Variants in KIF9 observed in about 807,000 individuals in gnomAD.
KIF9 encodes kinesin-like protein KIF9.
KIF9 carries 68 observed loss-of-function variants against 94.8 expected under a neutral mutation model. That is an observed-to-expected ratio of 0.72 (90% CI 0.59 to 0.88). The LOEUF (loss-of-function observed/expected upper bound fraction) is 0.88, where lower values mean the gene tolerates loss of function less well. Ranked by LOEUF, KIF9 falls within the 40% of genes least tolerant of loss-of-function variation. KIF9 has a pLI of 0.00. For missense variants in KIF9, 882 were observed against 982.5 expected (o/e 0.90, Z 1.37); for synonymous variants, 343 against 362.1 (o/e 0.95, Z 0.60).
intron 1 of KIF9, among the ~76,000 whole-genome samples, chr3:47,280,240 A>C (rs1702244652): frequency 6.6e-6 from 1 of 152,170 alleles, no homozygotes; most frequent in African/African-American, 2.4e-5. Flanking sequence ...AAGCTTGGGG[A>C]ACCGGGGAAC....
At chr3:47,279,297 A>C (rs1702172873) in intron 1 of KIF9, among the ~76,000 whole-genome samples, 1 of 151,406 alleles carries the variant, frequency 6.6e-6, no homozygotes, top group Non-Finnish European at 1.5e-5. Context: ...ACATGACGAA[A>C]CCCTGTTTCC....
chr3:47,237,404 C>T (rs1699112996), intron 17 of KIF9, among the ~76,000 whole-genome samples: 1 of 152,136 alleles, frequency 6.6e-6, no homozygotes, highest in Non-Finnish European at 1.5e-5. Context: ...CACCAGCTAC[C>T]TTCTTGTTAG....
intron 5 of KIF9, among the ~76,000 whole-genome samples, chr3:47,268,925 T>C (rs1701459769): frequency 6.6e-6 from 1 of 152,114 alleles, no homozygotes; most frequent in Admixed American, 6.5e-5. Context: ...AAGTACCCTC[T>C]TGCCTTGTCT....
chr3:47,273,507 G>A lies in KIF9; in HGVS notation c.366+45C>T, dbSNP rs377044449. 2.1e-6 allele frequency: 3 copies of A among 1,450,768 alleles called. No individual in the cohort carries two copies. In the African/African-American group the frequency reaches 4.2e-5, roughly 20 times the overall value. 89.9% of individuals were successfully genotyped at this position (1,450,768 alleles called of 1,614,324 possible). A position where few individuals can be genotyped will look rare whatever the true frequency, so the allele number is the denominator to read the frequency against. ...CAGGGTCAGTAACATCTATGGCAGA[G>A]AGAGGGAACCTGTGTGGCATCCCAC... On this transcript the variant is annotated intron_variant, in intron 4 of 20. Transcript: ENST00000684063.
intron 15 of KIF9, 90 bp downstream of exon 15, chr3:47,244,701 C>A: frequency 6.7e-7 from 1 of 1,493,872 alleles, no homozygotes; most frequent in African/African-American, 1.4e-5. Context: ...AGCTGAGACA[C>A]CAGGGGGAAA....
chr3:47,259,363 GC>G (rs1431685301), intron 9 of KIF9, among the ~76,000 whole-genome samples: 1 of 152,144 alleles, frequency 6.6e-6, no homozygotes, highest in Non-Finnish European at 1.5e-5. Flanking sequence ...AAGCCACAAG[GC>G]CATGTCAGGA....
In KIF9 at chr3:47,277,293, C is replaced by T. The variant is rs979652167; in HGVS notation, c.82G>A (p.Asp28Asn). The T allele has an allele frequency of 1.5e-5, 25 of 1,613,744 alleles. No individual in the cohort carries two copies. Among genetic ancestry groups the T allele is most frequent in the Non-Finnish European group, 2.0e-5 (24 of 1,179,718 alleles). ...DFAHEMIRYG[D>N]DKRSIDIHLK... ...CACATCGCACTTACTCTTTTGTCAT[C>T]TCCGTATCTGATCATTTCATGAGCA... The change falls in exon 2 of 21, where the codon GAT becomes AAT. Residue 28 changes from aspartate (D) to asparagine (N), a missense_variant. Transcript: ENST00000684063.
Position 47,264,295 on chromosome 3 carries a change from T to C in KIF9, c.972A>G (p.Leu324=), listed in dbSNP as rs1488963049. 3.7e-6 allele frequency: 6 copies of C among 1,612,992 alleles called. No homozygotes were observed. In the Middle Eastern group the frequency reaches 5.0e-4, roughly 133 times the overall value. The change falls in exon 9 of 21, where the codon TTA becomes TTG. Residue 324 remains leucine (L), a synonymous_variant. Transcript: ENST00000684063. ...VTNIYGEAAQ[L]EETLSSLRFA... is the part of the protein sequence containing the mutation. The stretch of plus-strand genomic sequence containing the variant: ...GACTGTCTTTACATACCGTTTCTTC[T>C]AACTGGGCAGCTTCTCCATAGATGT...
chr3:47,233,710 G>GA (rs201093977), intron 20 of KIF9, among the ~76,000 whole-genome samples: 15 of 144,940 alleles, frequency 1.0e-4, no homozygotes, highest in Non-Finnish European at 2.1e-4. Flanking sequence ...GAAAAGAAAA[G>GA]AAAAAAAAAA....
At chr3:47,240,754 G>T in intron 17 of KIF9, 47 bp downstream of exon 17, 2 of 1,511,018 alleles carry the variant, frequency 1.3e-6, no homozygotes, top group South Asian at 2.3e-5. Flanking sequence ...CAACCAGCAT[G>T]ACTCTGAGAC....
At chr3:47,243,375 T>C (rs983376913) in intron 15 of KIF9, 130 bp from the exon 16 acceptor site, 3 of 661,568 alleles carry the variant, frequency 4.5e-6, no homozygotes, top group African/African-American at 3.6e-5. Flanking sequence ...CTTGTTCATA[T>C]GCCTAGGTAA....
At chr3:47,260,059 C>G (rs1700864885) in intron 9 of KIF9, among the ~76,000 whole-genome samples, 1 of 117,462 alleles carries the variant, frequency 8.5e-6, no homozygotes, top group Non-Finnish European at 1.7e-5. Context: ...AATGGAATGT[C>G]TCGGTATAAA....
At chr3:47,229,054 G>A (rs1408514532) in intron 20 of KIF9, among the ~76,000 whole-genome samples, 1 of 152,220 alleles carries the variant, frequency 6.6e-6, no homozygotes, top group African/African-American at 2.4e-5. Flanking sequence ...CAGGTATTCA[G>A]AAGGGCCCTC....
At chr3:47,228,746 C>T in intron 20 of KIF9, 44 bp from the exon 21 acceptor site, 6 of 1,513,244 alleles carry the variant, frequency 4.0e-6, no homozygotes, top group Non-Finnish European at 5.5e-6. Flanking sequence ...TTAGGAGGGA[C>T]AGACATAGCA....
chr3:47,237,995 T>C (rs1699162695), intron 17 of KIF9, among the ~76,000 whole-genome samples: 1 of 152,236 alleles, frequency 6.6e-6, no homozygotes, highest in African/African-American at 2.4e-5. Context: ...GGAGTAACTG[T>C]GAACATCTTT....
At chr3:47,271,168 A>T in intron 5 of KIF9, 69 bp downstream of exon 5, 2 of 880,906 alleles carry the variant, frequency 2.3e-6, no homozygotes, top group African/African-American at 1.8e-5. Context: ...AAAAAGAAAA[A>T]GAAAAGCTGA....
chr3:47,235,720 C>CCAGCAA, intron 19 of KIF9, 103 bp from the exon 20 acceptor site: 1 of 865,302 alleles, frequency 1.2e-6, no homozygotes, highest in Non-Finnish European at 1.9e-6. Flanking sequence ...TGCCACACAC[C>CCAGCAA]GCCCCACCGC....
chr3:47,256,228 G>A (rs1700578411), intron 10 of KIF9, among the ~76,000 whole-genome samples: 3 of 151,686 alleles, frequency 2.0e-5, no homozygotes, highest in African/African-American at 4.8e-5. Flanking sequence ...CCCATCGTCT[G>A]GGATGTGAGG....
chr3:47,234,255 G>A (rs1032104803), intron 20 of KIF9, among the ~76,000 whole-genome samples: 5 of 150,150 alleles, frequency 3.3e-5, no homozygotes, highest in Non-Finnish European at 5.9e-5. Context: ...TTTTGGAGAC[G>A]GAGTCTCTCA....
Sources: gnomAD v4.1 joint callset for allele counts (sites outside exome capture counted in the v4.1 genomes callset) on GRCh38, gnomAD v4.1.1 for gene constraint, MANE v1.5 for transcripts, NCBI Gene and HGNC (gene_info 2026-07-23, HGNC 2026-07-21) for gene names.